Variants in HOMER2 observed in about 807,000 individuals in gnomAD.
The protein encoded by HOMER2 is homer scaffold protein 2.
Under a neutral mutation model 47.0 loss-of-function variants are expected in HOMER2, and 27 were observed. The observed-to-expected ratio is 0.57, with a 90% CI of 0.42 to 0.79. The LOEUF (loss-of-function observed/expected upper bound fraction) is 0.79, where lower values mean the gene tolerates loss of function less well. Among genes scored for constraint, HOMER2 ranks in the 30% least tolerant of loss-of-function variants. The probability of loss-of-function intolerance (pLI) is 0.00; values close to 1 mark genes in which losing one functional copy is unlikely to be tolerated. For synonymous variants in HOMER2, 161 were observed against 163.8 expected (o/e 0.98, Z 0.13); for missense variants, 443 against 435.0 (o/e 1.02, Z -0.16).
At chr15:82,861,908 G>A (rs1006044629) in intron 4 of HOMER2, among the ~76,000 whole-genome samples, 12 of 152,170 alleles carry the variant, frequency 7.9e-5, no homozygotes, top group Admixed American at 2.6e-4. Flanking sequence ...TAGAGAGGCT[G>A]AGGCAGGAGA....
intron 1 of HOMER2, among the ~76,000 whole-genome samples, chr15:82,983,913 C>G (rs751729166): frequency 3.3e-5 from 5 of 151,636 alleles, no homozygotes; most frequent in African/African-American, 4.8e-5. Context: ...TTCTACCAAT[C>G]TTTTTCTCTC....
At position 82,967,868 on chromosome 15, in the gene HOMER2, C is replaced by T. The variant is rs1295320573; in HGVS notation, n.83-8560G>A. Among the ~76,000 whole-genome samples the T allele has an allele frequency of 2.6e-5, 4 of 151,558 alleles. No homozygotes were observed. In the South Asian group the frequency reaches 8.4e-4, roughly 32 times the overall value. ...CTCCAGCCTGGGTGACAGAGCAAGACTCTGTCTCAGGAAAAAAAAAACCAA... is the reference window on the plus strand; with the variant it reads ...CTCCAGCCTGGGTGACAGAGCAAGATTCTGTCTCAGGAAAAAAAAAACCAA... On this transcript the variant is annotated intron_variant and non_coding_transcript_variant, in intron 1 of 1. Coordinates refer to the HOMER2 transcript ENST00000500334.
rs1274495644 is a variant in HOMER2 at position 82,966,388 on chromosome 15, C to A, written n.83-7080G>T. Among the ~76,000 whole-genome samples, 3 of 151,994 alleles carry A rather than the reference C, an allele frequency of 2.0e-5. No individual in the cohort carries two copies. In the East Asian group the frequency reaches 5.8e-4, roughly 29 times the overall value. Reference sequence around the variant, plus strand: ...TGGGTCAGTAAGTATATTATAAAAACAGAATAAAAGGGGGGGAAAGAAAAC... The same window carrying A: ...TGGGTCAGTAAGTATATTATAAAAAAAGAATAAAAGGGGGGGAAAGAAAAC... On this transcript the variant is annotated intron_variant and non_coding_transcript_variant, in intron 1 of 1. Coordinates refer to the HOMER2 transcript ENST00000500334.
chr15:82,976,000 T>A (rs2030188302), intron 1 of HOMER2, among the ~76,000 whole-genome samples: 1 of 152,052 alleles, frequency 6.6e-6, no homozygotes, highest in African/African-American at 2.4e-5. Context: ...CCCATATAAA[T>A]TAAAATTAAA....
intron 4 of HOMER2, among the ~76,000 whole-genome samples, chr15:82,862,366 G>A (rs980406982): frequency 6.6e-6 from 1 of 152,076 alleles, no homozygotes; most frequent in African/African-American, 2.4e-5. Context: ...CTTAGCTTAT[G>A]CCTGTAATCC....
chr15:82,882,033 C>T (rs1018049077), intron 2 of HOMER2, among the ~76,000 whole-genome samples: 1 of 152,244 alleles, frequency 6.6e-6, no homozygotes, highest in Non-Finnish European at 1.5e-5. Flanking sequence ...TTAACCAATG[C>T]TCTGAAAATG....
chr15:82,875,740 C>A (rs1485590097), intron 2 of HOMER2, among the ~76,000 whole-genome samples: 4 of 152,200 alleles, frequency 2.6e-5, no homozygotes, highest in African/African-American at 9.7e-5. Flanking sequence ...CATCAGAGTG[C>A]CCTTAATGGC....
intron 1 of HOMER2, among the ~76,000 whole-genome samples, chr15:82,933,993 G>A (rs762707130): frequency 2.6e-5 from 4 of 151,950 alleles, no homozygotes; most frequent in Admixed American, 2.6e-4. Context: ...GGTCCTTCCC[G>A]CTCCCTATCC....
At chr15:82,952,457 C>A in intron 1 of HOMER2, 74 bp downstream of exon 1, 1 of 1,066,892 alleles carries the variant, frequency 9.4e-7, no homozygotes, top group Non-Finnish European at 1.2e-6. Context: ...GGCTCCGAGC[C>A]CGGTTACGCC....
intron 1 of HOMER2, among the ~76,000 whole-genome samples, chr15:82,972,577 T>G (rs528900937): frequency 6.6e-6 from 1 of 152,280 alleles, no homozygotes; most frequent in East Asian, 1.9e-4. Flanking sequence ...CTCCAACTCC[T>G]GACCTCAGGT....
intron 1 of HOMER2, among the ~76,000 whole-genome samples, chr15:82,898,655 T>C (rs193297094): frequency 2.0e-5 from 3 of 152,332 alleles, no homozygotes; most frequent in East Asian, 3.9e-4. Context: ...GTGCAACATA[T>C]GTATGTTTGG....
chr15:82,867,465 T>C lies in HOMER2; in HGVS notation c.295-3206A>G, dbSNP rs1049417156. On this transcript the variant is annotated intron_variant, in intron 3 of 8. Coordinates refer to ENST00000450735, the MANE Select transcript of HOMER2 (RefSeq NM_004839.4). ...AGAAAAAGGGCTATTTTCTTTAGTA[T>C]GGCAAGAGTTTGTACAAACTGAAAA... Among the ~76,000 whole-genome samples the C allele has an allele frequency of 7.3e-5, 11 of 151,412 alleles. No homozygotes were observed. The East Asian group carries it at 1.9e-3, about 27-fold the overall frequency.
intron 1 of HOMER2, among the ~76,000 whole-genome samples, chr15:82,971,364 CA>C (rs777539428): frequency 1.3e-5 from 2 of 151,712 alleles, no homozygotes; most frequent in Non-Finnish European, 2.9e-5. Context: ...AATTCTGAAT[CA>C]GGTGAGAGAG....
exon 2 of HOMER2, chr15:82,842,076 GATTTA>G (rs1199313734): frequency 1.3e-5 from 2 of 152,054 alleles, no homozygotes; most frequent in African/African-American, 2.4e-5. Context: ...AAAAGCGATA[GATTTA>G]ATTTTCATTT....
At chr15:82,921,499 C>T (rs1367336793) in intron 1 of HOMER2, among the ~76,000 whole-genome samples, 2 of 152,188 alleles carry the variant, frequency 1.3e-5, no homozygotes, top group Non-Finnish European at 2.9e-5. Flanking sequence ...GGATGCACGC[C>T]AGACCAAGGA....
rs143191404 is a variant in HOMER2 at position 82,893,776 on chromosome 15, C to G, written c.6-935G>C. Among the ~76,000 whole-genome samples, 8 of 152,118 alleles carry G rather than the reference C, an allele frequency of 5.3e-5. No homozygotes were observed. In the South Asian group the frequency reaches 6.2e-4, roughly 12 times the overall value. On this transcript the variant is annotated intron_variant, in intron 1 of 8. Coordinates refer to ENST00000450735, the MANE Select transcript of HOMER2 (RefSeq NM_004839.4). ...AGCTAGGACTACAGGCACGTGACAC[C>G]ACACTTGGCTAATGTTGCCGGGAGG...
intron 1 of HOMER2, among the ~76,000 whole-genome samples, chr15:82,949,062 G>A (rs2054445392): frequency 6.6e-6 from 1 of 151,176 alleles, no homozygotes; most frequent in Admixed American, 6.6e-5. Context: ...GCATGTGAGA[G>A]GTTGGGAAGA....
chr15:82,951,310 A>G (rs909167678), intron 1 of HOMER2, among the ~76,000 whole-genome samples: 1 of 152,016 alleles, frequency 6.6e-6, no homozygotes, highest in Non-Finnish European at 1.5e-5. Context: ...TCACACTTCC[A>G]TTCCTCAAAA....
chr15:82,868,541 A>ATTTTT (rs10678643), intron 3 of HOMER2, among the ~76,000 whole-genome samples: 3 of 71,260 alleles, frequency 4.2e-5, no homozygotes, highest in South Asian at 4.9e-4. Context: ...ATATATATAT[A>ATTTTT]TTTTTTTTTT....
Sources: gnomAD v4.1 joint callset for allele counts (sites outside exome capture counted in the v4.1 genomes callset) on GRCh38, gnomAD v4.1.1 for gene constraint, MANE v1.5 for transcripts, NCBI Gene and HGNC (gene_info 2026-07-23, HGNC 2026-07-21) for gene names.